HS6ST1: variants seen among roughly 807,000 people sequenced by gnomAD.
HS6ST1 encodes the protein heparan-sulfate 6-O-sulfotransferase 1.
HS6ST1 carries 3 observed loss-of-function variants against 25.2 expected under a neutral mutation model. The observed-to-expected ratio is 0.12, with a 90% confidence interval of 0.05 to 0.31. The LOEUF (loss-of-function observed/expected upper bound fraction) is 0.31. Ranked by LOEUF, HS6ST1 falls within the 10% of genes least tolerant of loss-of-function variation. The pLI, the probability that HS6ST1 is intolerant of heterozygous loss-of-function variation, is 1.00. For synonymous variants in HS6ST1, 204 were observed against 275.1 expected, an observed-to-expected ratio of 0.74 and a Z score of 2.56; for missense variants, 310 against 609.6, an observed-to-expected ratio of 0.51 and a Z score of 5.18.
chr2:128,318,342 C>A lies in HS6ST1; in HGVS notation c.222G>T (p.Glu74Asp), dbSNP rs375787221. 4 of 1,612,108 alleles carry A rather than the reference C, an allele frequency of 2.5e-6. No homozygotes were observed. In the African/African-American group the frequency reaches 4.0e-5, roughly 16 times the overall value. The change falls in exon 1 of 2, where the codon GAG becomes GAT. Residue 74 changes from glutamate to aspartate, a missense_variant. Physicochemically the swap from Glu to Asp is conservative, Grantham distance 45. This residue lies in a region of HS6ST1 where 9 missense variants were observed against 27.4 expected (regional missense o/e 0.33). Coordinates refer to ENST00000259241, the MANE Select transcript of HS6ST1 (RefSeq NM_004807.3). The surrounding 1 kb of genome is among the most constrained non-coding windows in gnomAD (Gnocchi z 5.7). ...YEKKYYFPVRELERSLRFDMK... is the reference protein window; with the variant it reads ...YEKKYYFPVRDLERSLRFDMK... ...TGTCGAAGCGCAGCGAGCGCTCCAG[C>A]TCGCGGACCGGGAAGTAGTACTTCT...
chr2:128,282,440 T>C (rs569613298), intron 1 of HS6ST1, among the ~76,000 whole-genome samples: 1 of 152,266 alleles, frequency 6.6e-6, no homozygotes, highest in South Asian at 2.1e-4. Flanking sequence ...CTCACAGCCC[T>C]ACCCAGCCCC....
At chr2:128,292,141 T>C (rs1457210846) in intron 1 of HS6ST1, among the ~76,000 whole-genome samples, 4 of 151,950 alleles carry the variant, frequency 2.6e-5, no homozygotes, top group East Asian at 3.9e-4. Flanking sequence ...CCAGCAAGAG[T>C]GCCAGGGATT....
intron 1 of HS6ST1, among the ~76,000 whole-genome samples, chr2:128,273,938 G>A (rs991946491): frequency 3.3e-5 from 5 of 152,176 alleles, no homozygotes; most frequent in African/African-American, 1.2e-4. Flanking sequence ...AGAGGTTTGA[G>A]GAATGGTCTG....
At chr2:128,312,253 A>T (rs1694302913) in intron 1 of HS6ST1, among the ~76,000 whole-genome samples, 1 of 152,244 alleles carries the variant, frequency 6.6e-6, no homozygotes, top group African/African-American at 2.4e-5. Flanking sequence ...ACAGACAGAC[A>T]GATGTCCACA....
intron 1 of HS6ST1, among the ~76,000 whole-genome samples, chr2:128,297,075 A>G (rs1181019990): frequency 2.6e-5 from 4 of 152,224 alleles, no homozygotes; most frequent in Non-Finnish European, 5.9e-5. Flanking sequence ...AACAAACAAA[A>G]AAAACCCCAA....
At chr2:128,305,209 A>T (rs1230164516) in intron 1 of HS6ST1, among the ~76,000 whole-genome samples, 1 of 152,182 alleles carries the variant, frequency 6.6e-6, no homozygotes, top group African/African-American at 2.4e-5. Flanking sequence ...ACTTGGCTGA[A>T]ACCTGACACC....
At chr2:128,300,296 A>G (rs2104930158) in intron 1 of HS6ST1, among the ~76,000 whole-genome samples, 1 of 152,228 alleles carries the variant, frequency 6.6e-6, no homozygotes, top group Non-Finnish European at 1.5e-5. Flanking sequence ...GGACACAGCT[A>G]CCATCCCTAC....
chr2:128,291,975 C>T (rs550681624), intron 1 of HS6ST1, among the ~76,000 whole-genome samples: 2 of 152,324 alleles, frequency 1.3e-5, no homozygotes, highest in African/African-American at 4.8e-5. Context: ...CAGGGGAGAC[C>T]CTGCCAAGCT....
At chr2:128,311,584 G>C (rs1202735754) in intron 1 of HS6ST1, among the ~76,000 whole-genome samples, 1 of 152,220 alleles carries the variant, frequency 6.6e-6, no homozygotes, top group Non-Finnish European at 1.5e-5. Context: ...GTCTGACCTA[G>C]AAACACCCCA....
chr2:128,271,668 C>G (rs1244163557), intron 1 of HS6ST1, among the ~76,000 whole-genome samples: 1 of 152,222 alleles, frequency 6.6e-6, no homozygotes, highest in Non-Finnish European at 1.5e-5. Flanking sequence ...TACCTGCCCT[C>G]ACCCTCCTGC....
intron 1 of HS6ST1, among the ~76,000 whole-genome samples, chr2:128,279,330 C>CTTTTTT (rs61670210): frequency 8.0e-6 from 1 of 124,744 alleles, no homozygotes; most frequent in African/African-American, 3.1e-5. Context: ...ATGACAGAAC[C>CTTTTTT]TTTTTTTTTT....
intron 1 of HS6ST1, among the ~76,000 whole-genome samples, chr2:128,310,590 C>T (rs1273921276): frequency 1.3e-5 from 1 of 76,662 alleles, no homozygotes; most frequent in African/African-American, 1.0e-4. Flanking sequence ...AAAACAGCCC[C>T]ATCTTCACCA....
At chr2:128,274,125 G>C (rs1310088479) in intron 1 of HS6ST1, among the ~76,000 whole-genome samples, 1 of 152,190 alleles carries the variant, frequency 6.6e-6, no homozygotes, top group East Asian at 1.9e-4. Context: ...TATCCATTCA[G>C]GTGCTCCAAG....
At position 128,318,060 on chromosome 2, in the gene HS6ST1, G is replaced by A. The variant is rs1335642846; in HGVS notation, c.504C>T (p.Asp168=). 1 of 1,522,726 alleles carries A rather than the reference G, an allele frequency of 6.6e-7. No individual in the cohort carries two copies. Among genetic ancestry groups the A allele is most frequent in the Non-Finnish European group, 8.8e-7 (1 of 1,139,914 alleles). The allele number at this position is 1,522,726 out of a possible 1,614,324, so 94.3% of individuals were successfully genotyped here. A position where few individuals can be genotyped will look rare whatever the true frequency, so the allele number is the denominator to read the frequency against. ...ACCTGGGCGTGCGCAGCGCGGCGGA[G>A]TCGCGGCGGTCCAGCACGCCGGGCA... The part of the protein sequence containing the change: ...NCVPGVLDRR[D]SAALRTPRKF... Residue 168 remains aspartate, a synonymous_variant, in exon 1 of 2, where the codon GAC becomes GAT. Coordinates refer to ENST00000259241, the MANE Select transcript of HS6ST1 (RefSeq NM_004807.3). This position sits in a 1 kb window ranked among gnomAD's most constrained non-coding sequence, Gnocchi z 5.7.
intron 1 of HS6ST1, among the ~76,000 whole-genome samples, chr2:128,272,628 C>G (rs1693626305): frequency 6.6e-6 from 1 of 152,144 alleles, no homozygotes; most frequent in African/African-American, 2.4e-5. Flanking sequence ...CAGTGAGACC[C>G]CAGGGCAACT....
intron 1 of HS6ST1, among the ~76,000 whole-genome samples, chr2:128,287,154 C>T (rs889717368): frequency 3.9e-5 from 6 of 152,208 alleles, no homozygotes; most frequent in African/African-American, 4.8e-5. Flanking sequence ...AGGCCACACC[C>T]GCCACACCTC....
At chr2:128,292,656 C>A (rs757959129) in intron 1 of HS6ST1, among the ~76,000 whole-genome samples, 1 of 150,756 alleles carries the variant, frequency 6.6e-6, no homozygotes, top group Non-Finnish European at 1.5e-5. Flanking sequence ...TGTGGGAAGC[C>A]GGGAGGGCAG....
chr2:128,299,984 T>C (rs1471030504), intron 1 of HS6ST1, among the ~76,000 whole-genome samples: 1 of 152,074 alleles, frequency 6.6e-6, no homozygotes, highest in Non-Finnish European at 1.5e-5. Context: ...TGCCAGCCGC[T>C]TCCCATCAGC....
At chr2:128,293,133 C>A (rs1041939986) in intron 1 of HS6ST1, among the ~76,000 whole-genome samples, 1 of 152,234 alleles carries the variant, frequency 6.6e-6, no homozygotes, top group Non-Finnish European at 1.5e-5. Context: ...CCTTGCTCTG[C>A]ATGCAGTGGG....
Sources: gnomAD v4.1 joint callset for allele counts (sites outside exome capture counted in the v4.1 genomes callset) on GRCh38, gnomAD v4.1.1 for gene constraint, gnomAD v4.1.1 regional missense constraint, Gnocchi (gnomAD v3.1) non-coding constraint, MANE v1.5 for transcripts, NCBI Gene and HGNC (gene_info 2026-07-23, HGNC 2026-07-21) for gene names.